Variants in ADGRL3 observed in about 807,000 individuals in gnomAD.
ADGRL3 encodes the protein adhesion G protein-coupled receptor L3, also known as calcium-independent alpha-latrotoxin receptor 3.
In ADGRL3, 62 loss-of-function variants were observed where a neutral mutation model predicts 153.5. The observed-to-expected ratio is 0.40, with a 90% CI of 0.33 to 0.50. The LOEUF is 0.50. Among genes scored for constraint, ADGRL3 ranks in the 20% least tolerant of loss-of-function variants. ADGRL3 has a pLI of 0.47. For missense variants in ADGRL3, 1,641 were observed against 1,859.4 expected, an observed-to-expected ratio of 0.88 and a Z score of 2.16; for synonymous variants, 710 against 672.5, an observed-to-expected ratio of 1.06 and a Z score of -0.86.
At chr4:61,904,824 A>G (rs1335115256) in intron 11 of ADGRL3, among the ~76,000 whole-genome samples, 11 of 152,182 alleles carry the variant, frequency 7.2e-5, no homozygotes, top group Non-Finnish European at 1.5e-4. Flanking sequence ...TTTTGAAGAT[A>G]TATTAATGAA....
intron 1 of ADGRL3, among the ~76,000 whole-genome samples, chr4:61,243,031 G>C (rs1275522802): frequency 1.3e-5 from 2 of 152,060 alleles, no homozygotes; most frequent in Non-Finnish European, 2.9e-5. Flanking sequence ...ATGGGGACAT[G>C]AGGGGAAACA....
chr4:61,232,035 T>G (rs1338777684), intron 1 of ADGRL3, among the ~76,000 whole-genome samples: 1 of 151,962 alleles, frequency 6.6e-6, no homozygotes, highest in Non-Finnish European at 1.5e-5. Context: ...GTGCAAGTAC[T>G]TAACCTCCTC....
chr4:61,438,763 A>G (rs565033700), intron 2 of ADGRL3, among the ~76,000 whole-genome samples: 1 of 147,114 alleles, frequency 6.8e-6, no homozygotes, highest in Admixed American at 6.9e-5. Context: ...GCTGGAGTGC[A>G]GTGGTGCGAT....
At chr4:61,798,288 C>T (rs1243938292) in intron 8 of ADGRL3, among the ~76,000 whole-genome samples, 1 of 152,114 alleles carries the variant, frequency 6.6e-6, no homozygotes, top group Non-Finnish European at 1.5e-5. Context: ...TCTGAGTCCC[C>T]TAGTATGTGA....
intron 2 of ADGRL3, among the ~76,000 whole-genome samples, chr4:61,452,099 C>T (rs527842854): frequency 3.9e-5 from 6 of 152,218 alleles, no homozygotes; most frequent in Non-Finnish European, 7.4e-5. Context: ...CTTGGGCTCA[C>T]AGCTGAATAA....
At chr4:61,755,820 T>C (rs1267342434) in intron 8 of ADGRL3, among the ~76,000 whole-genome samples, 1 of 152,208 alleles carries the variant, frequency 6.6e-6, no homozygotes, top group African/African-American at 2.4e-5. Context: ...AGGGATCCAG[T>C]TTCAGCTTTC....
chr4:61,876,145 G>A (rs2098473835), intron 9 of ADGRL3, among the ~76,000 whole-genome samples: 1 of 151,768 alleles, frequency 6.6e-6, no homozygotes, highest in African/African-American at 2.4e-5. Context: ...TGTTTGCACT[G>A]CTTGCATATC....
chr4:62,029,919 A>T, intron 22 of ADGRL3, among the ~76,000 whole-genome samples: 1 of 151,408 alleles, frequency 6.6e-6, no homozygotes, highest in African/African-American at 2.4e-5. Flanking sequence ...TTTTCCTTGA[A>T]AGTTAGTATA....
chr4:61,456,410 TATATAG>T (rs1175166014), intron 2 of ADGRL3, among the ~76,000 whole-genome samples: 2 of 55,442 alleles, frequency 3.6e-5, no homozygotes, highest in East Asian at 7.8e-4. Context: ...TATCTATATA[TATATAG>T]ATATATCTAT....
chr4:61,762,123 A>G (rs1184207451), intron 8 of ADGRL3, among the ~76,000 whole-genome samples: 1 of 152,192 alleles, frequency 6.6e-6, no homozygotes, highest in Non-Finnish European at 1.5e-5. Context: ...AAAGACTTAA[A>G]GTGGTCATGG....
chr4:61,667,299 A>G (rs1267017039), intron 5 of ADGRL3, among the ~76,000 whole-genome samples: 1 of 152,180 alleles, frequency 6.6e-6, no homozygotes, highest in East Asian at 1.9e-4. Context: ...TCCTAGGAAT[A>G]AGCCTTTAAG....
intron 9 of ADGRL3, among the ~76,000 whole-genome samples, chr4:61,833,957 TC>T (rs1403980606): frequency 1.4e-5 from 2 of 143,612 alleles, no homozygotes; most frequent in African/African-American, 2.7e-5. Context: ...AAAGGCAGCT[TC>T]TTTTTTTTTT....
At chr4:61,569,140 C>A (rs932202489) in intron 4 of ADGRL3, among the ~76,000 whole-genome samples, 2 of 152,074 alleles carry the variant, frequency 1.3e-5, no homozygotes, top group African/African-American at 4.8e-5. Flanking sequence ...GCTATAAAGT[C>A]ATGCTTAAAA....
intron 1 of ADGRL3, among the ~76,000 whole-genome samples, chr4:61,288,884 TATAAC>T (rs2094053033): frequency 6.6e-6 from 1 of 152,026 alleles, no homozygotes; most frequent in Non-Finnish European, 1.5e-5. Context: ...AAATATTTCA[TATAAC>T]AGAACTGGTT....
At chr4:62,065,832 C>T (rs1431526979) in intron 25 of ADGRL3, among the ~76,000 whole-genome samples, 1 of 151,928 alleles carries the variant, frequency 6.6e-6, no homozygotes, top group Non-Finnish European at 1.5e-5. Context: ...TCTATAAAAA[C>T]TATCAAACTG....
chr4:62,004,164 A>T (rs1414283935), intron 21 of ADGRL3, among the ~76,000 whole-genome samples: 1 of 152,068 alleles, frequency 6.6e-6, no homozygotes, highest in Non-Finnish European at 1.5e-5. Context: ...ATTCCTGAAA[A>T]ATACAACAAT....
intron 19 of ADGRL3, among the ~76,000 whole-genome samples, chr4:61,986,741 G>A (rs2099086814): frequency 6.6e-6 from 1 of 152,160 alleles, no homozygotes; most frequent in African/African-American, 2.4e-5. Flanking sequence ...TATCACAGGG[G>A]GGCATAACAC....
At chr4:61,568,724 A>G (rs2098826450) in intron 4 of ADGRL3, among the ~76,000 whole-genome samples, 1 of 151,968 alleles carries the variant, frequency 6.6e-6, no homozygotes, top group Non-Finnish European at 1.5e-5. Flanking sequence ...GCACTATTTG[A>G]TCCTATTATA....
At position 61,764,646 on chromosome 4, in the gene ADGRL3, T is replaced by C. The variant is rs192559991; in HGVS notation, c.1399+31092T>C. On this transcript the variant is annotated intron_variant, in intron 8 of 26. Transcript: ENST00000683033. ...AGTTACTTCAGGCCATCTGGGCTTA[T>C]AGGTGCAGGTCACAGGGGATGTGAT... Among the ~76,000 whole-genome samples, 819 of 152,084 alleles carry C rather than the reference T, an allele frequency of 5.4e-3. 10 individuals carry two copies. The highest frequency in any genetic ancestry group is 0.018 in the African/African-American group (751 of 41,348).
Sources: allele counts gnomAD v4.1 joint callset (sites outside exome capture counted in the v4.1 genomes callset), GRCh38; gene constraint gnomAD v4.1.1; transcripts MANE v1.5; gene names NCBI Gene and HGNC (gene_info 2026-07-23, HGNC 2026-07-21).